Variants in KCNS3 observed in about 807,000 individuals in gnomAD.
KCNS3 encodes the protein potassium voltage-gated channel modifier subfamily S member 3, also known as delayed-rectifier potassium channel regulatory subunit KCNS3.
A neutral mutation model predicts 31.0 loss-of-function variants in KCNS3; 13 were observed. That is an observed-to-expected ratio of 0.42 (90% confidence interval 0.27 to 0.67). The LOEUF (loss-of-function observed/expected upper bound fraction) is 0.67, where lower values mean the gene tolerates loss of function less well. Among genes scored for constraint, KCNS3 ranks in the 30% least tolerant of loss-of-function variants. The pLI, the probability that KCNS3 is intolerant of heterozygous loss-of-function variation, is 0.25. For missense variants in KCNS3, 545 were observed against 622.4 expected (o/e 0.88, Z 1.32); for synonymous variants, 238 against 241.5 (o/e 0.99, Z 0.13).
intron 2 of KCNS3, among the ~76,000 whole-genome samples, chr2:17,928,602 G>C (rs1662887963): frequency 6.6e-6 from 1 of 151,828 alleles, no homozygotes; most frequent in Non-Finnish European, 1.5e-5. Flanking sequence ...ATGACCAATG[G>C]CTTTGTTGAA....
chr2:17,908,347 C>T (rs7559787), intron 1 of KCNS3, among the ~76,000 whole-genome samples: 20,006 of 152,184 alleles, frequency 0.13, 1,951 homozygotes, highest in East Asian at 0.38. Flanking sequence ...CGATTATTCT[C>T]GTTAGCCATT....
chr2:17,917,198 C>T (rs973778958), intron 1 of KCNS3, among the ~76,000 whole-genome samples: 1 of 152,162 alleles, frequency 6.6e-6, no homozygotes, highest in Non-Finnish European at 1.5e-5. Context: ...TTGAATTTGG[C>T]CAGCCTTTGA....
At chr2:17,899,484 A>T (rs1442352872) in intron 1 of KCNS3, among the ~76,000 whole-genome samples, 1 of 152,136 alleles carries the variant, frequency 6.6e-6, no homozygotes, top group Non-Finnish European at 1.5e-5. Flanking sequence ...CAATTCTAAT[A>T]ATTTAGCTAC....
intron 2 of KCNS3, among the ~76,000 whole-genome samples, chr2:17,925,534 A>AG (rs945955704): frequency 1.2e-4 from 19 of 152,342 alleles, no homozygotes; most frequent in African/African-American, 4.1e-4. Flanking sequence ...CCGCAGGGCT[A>AG]GGGGGTCTCA....
chr2:17,921,947 ATATATATATAT>A (rs1662724579), intron 2 of KCNS3, among the ~76,000 whole-genome samples: 2 of 137,624 alleles, frequency 1.5e-5, no homozygotes, highest in African/African-American at 5.5e-5. Flanking sequence ...ATATATATAT[ATATATATATAT>A]AAATACATAT....
At chr2:17,908,555 GT>G (rs1662393850) in intron 1 of KCNS3, among the ~76,000 whole-genome samples, 2 of 152,196 alleles carry the variant, frequency 1.3e-5, no homozygotes, top group Admixed American at 1.3e-4. Context: ...AGAATTTTCA[GT>G]TTTTCTGCTC....
At chr2:17,921,915 G>GTATATATATATATATATATATATATA (rs56064218) in intron 2 of KCNS3, among the ~76,000 whole-genome samples, 1 of 32,808 alleles carries the variant, frequency 3.0e-5, no homozygotes, top group African/African-American at 1.2e-4. Flanking sequence ...GTGTGTGTGT[G>GTATATATATATATATATATATATATA]TATATATATA....
intron 1 of KCNS3, among the ~76,000 whole-genome samples, chr2:17,903,191 T>A (rs921981963): frequency 6.6e-6 from 1 of 152,230 alleles, no homozygotes; most frequent in Non-Finnish European, 1.5e-5. Flanking sequence ...AACCAACTCA[T>A]TAATTCATTA....
intron 1 of KCNS3, among the ~76,000 whole-genome samples, chr2:17,884,244 T>A (rs1229901330): frequency 1.8e-5 from 2 of 113,220 alleles, no homozygotes; most frequent in African/African-American, 3.4e-5. Flanking sequence ...ACCCTAGAAC[T>A]TAAAGTATAA....
chr2:17,930,784 T>G (rs1025145870), intron 2 of KCNS3, among the ~76,000 whole-genome samples, 166 bp from the exon 3 acceptor site: 1 of 152,184 alleles, frequency 6.6e-6, no homozygotes, highest in Non-Finnish European at 1.5e-5. Context: ...AAAATCTGTT[T>G]TGTGTTGATT....
intron 1 of KCNS3, among the ~76,000 whole-genome samples, chr2:17,910,631 A>G (rs980900450): frequency 1.3e-5 from 2 of 148,984 alleles, no homozygotes; most frequent in Non-Finnish European, 3.0e-5. Flanking sequence ...GGAAGTGTCT[A>G]CTTTTTTTTT....
At chr2:17,886,731 C>A (rs1272648475) in intron 1 of KCNS3, among the ~76,000 whole-genome samples, 2 of 143,930 alleles carry the variant, frequency 1.4e-5, no homozygotes, top group Admixed American at 1.4e-4. Context: ...TCTTCCACCA[C>A]CCATTTAAAT....
intron 2 of KCNS3, among the ~76,000 whole-genome samples, chr2:17,924,656 G>A (rs907976019): frequency 3.5e-5 from 5 of 142,654 alleles, no homozygotes; most frequent in African/African-American, 1.3e-4. Context: ...ATATTACCTT[G>A]ATTGATTTAC....
chr2:17,914,113 C>T (rs1485415698), intron 1 of KCNS3, among the ~76,000 whole-genome samples: 1 of 152,188 alleles, frequency 6.6e-6, no homozygotes, highest in Non-Finnish European at 1.5e-5. Flanking sequence ...TACAGAATTT[C>T]ACCTCAGGTG....
intron 1 of KCNS3, among the ~76,000 whole-genome samples, chr2:17,906,849 T>C (rs891531284): frequency 2.6e-5 from 4 of 152,246 alleles, no homozygotes; most frequent in Non-Finnish European, 2.9e-5. Context: ...TCTGTTCTCT[T>C]ACATTTGCTG....
intron 1 of KCNS3, among the ~76,000 whole-genome samples, chr2:17,902,653 G>A (rs1425356341): frequency 6.6e-6 from 1 of 152,158 alleles, no homozygotes; most frequent in African/African-American, 2.4e-5. Flanking sequence ...TATGTAAGCA[G>A]CCATGCCTTA....
rs1188629334 is a variant in KCNS3 at position 17,905,726 on chromosome 2, C to T, written c.-251-11954C>T. Among the ~76,000 whole-genome samples, 6 of 152,064 alleles carry T rather than the reference C, an allele frequency of 3.9e-5. No homozygotes were observed. The South Asian group carries it at 6.3e-4, about 16-fold the overall frequency. The stretch of plus-strand genomic sequence containing the variant: ...TGCATCTATTGAGATAATCATGTGG[C>T]TTTTGTCTTTGGTTCTGTTTATATG... On this transcript the variant is annotated intron_variant, in intron 1 of 2. Coordinates refer to ENST00000304101, the MANE Select transcript of KCNS3 (RefSeq NM_002252.5).
chr2:17,884,274 T>A (rs1221955835), intron 1 of KCNS3, among the ~76,000 whole-genome samples: 101 of 64,162 alleles, frequency 1.6e-3, no homozygotes, highest in South Asian at 4.3e-3. Context: ...AAAAAATATA[T>A]ATATATATAT....
chr2:17,908,023 G>T (rs1413765233), intron 1 of KCNS3, among the ~76,000 whole-genome samples: 2 of 152,214 alleles, frequency 1.3e-5, no homozygotes, highest in East Asian at 3.8e-4. Flanking sequence ...CTGGGTTGGG[G>T]ATGTTCTCCT....
Sources: allele counts gnomAD v4.1 joint callset (sites outside exome capture counted in the v4.1 genomes callset), GRCh38; gene constraint gnomAD v4.1.1; transcripts MANE v1.5; gene names NCBI Gene and HGNC (gene_info 2026-07-23, HGNC 2026-07-21).